The following ALPK2 variants were observed in gnomAD, a reference collection of about 807,000 sequenced individuals.
The protein encoded by ALPK2 is alpha-protein kinase 2.
ALPK2 carries 127 observed loss-of-function variants against 163.1 expected under a neutral mutation model. The ratio of observed to expected loss-of-function variants is 0.78; its 90% CI spans 0.67 to 0.90. ALPK2 has a LOEUF of 0.90. Among genes scored for constraint, ALPK2 ranks in the 40% least tolerant of loss-of-function variants. The pLI, the probability that ALPK2 is intolerant of heterozygous loss-of-function variation, is 0.00. For missense variants in ALPK2, 2,360 were observed against 2,589.6 expected, an observed-to-expected ratio of 0.91 and a Z score of 1.92; for synonymous variants, 953 against 959.1, an observed-to-expected ratio of 0.99 and a Z score of 0.12.
intron 3 of ALPK2, among the ~76,000 whole-genome samples, chr18:58,598,608 T>C (rs2052052859): frequency 6.6e-6 from 1 of 152,192 alleles, no homozygotes. Context: ...TTCTCAGTCC[T>C]GCCCTCTCGC....
intron 1 of ALPK2, among the ~76,000 whole-genome samples, chr18:58,624,876 A>G (rs1185851488): frequency 6.6e-6 from 1 of 152,214 alleles, no homozygotes; most frequent in Non-Finnish European, 1.5e-5. Context: ...GTTACAATCA[A>G]GTTACCGACA....
intron 12 of ALPK2, among the ~76,000 whole-genome samples, chr18:58,489,730 C>T (rs991298451): frequency 6.6e-6 from 1 of 152,044 alleles, no homozygotes; most frequent in Admixed American, 6.6e-5. Context: ...GTCCCTAGGA[C>T]ATTCAAAATA....
At position 58,552,820 on chromosome 18, in the gene ALPK2, G is replaced by A. The variant is rs2051766856; in HGVS notation, c.1963-14596C>T. On this transcript the variant is annotated intron_variant, in intron 4 of 12. Coordinates refer to ENST00000361673, the MANE Select transcript of ALPK2 (RefSeq NM_052947.4). ...AAGCCTGGGCTACCGTGGTGGCTGG[G>A]GGAATGGAGAGTGGGTTGATTGTGT... Among the ~76,000 whole-genome samples, 3 of 152,186 alleles carry A rather than the reference G, an allele frequency of 2.0e-5. No individual in the cohort carries two copies. The South Asian group carries it at 6.2e-4, about 32-fold the overall frequency.
Position 58,537,215 on chromosome 18 carries a change from GT to G in ALPK2, c.2971del (p.Thr991HisfsTer2). On this transcript the variant is annotated frameshift_variant, in exon 5 of 13. Coordinates refer to ENST00000361673, the MANE Select transcript of ALPK2 (RefSeq NM_052947.4). LOFTEE classifies it high-confidence loss of function. The stretch of plus-strand genomic sequence containing the variant: ...AAAGCACTCATTATTAGCAGTTAAT[GT>G]TGTTGGCTTCTCCCAAGGAAAACTC... ...IVSFPWEKPT[T>X]LTANNECFQA... 1 of 1,614,198 alleles carries G rather than the reference GT, an allele frequency of 6.2e-7. No individual in the cohort carries two copies. Among genetic ancestry groups the G allele is most frequent in the Non-Finnish European group, 8.5e-7 (1 of 1,180,008 alleles).
At chr18:58,552,568 A>G (rs1207629692) in intron 4 of ALPK2, among the ~76,000 whole-genome samples, 2 of 152,242 alleles carry the variant, frequency 1.3e-5, no homozygotes, top group African/African-American at 4.8e-5. Flanking sequence ...ATGCATGTAC[A>G]TTCATTAATT....
chr18:58,535,904 T>C lies in ALPK2; in HGVS notation c.4283A>G (p.Gln1428Arg), dbSNP rs56145533. The C allele has an allele frequency of 0.022, 35,657 of 1,614,206 alleles. 463 individuals are homozygous for C. Among genetic ancestry groups the C allele is most frequent in the Non-Finnish European group, 0.025 (29,707 of 1,180,014 alleles). ...GKPEPSETTP[Q>R]GAREGGQSND... Reference sequence around the variant, plus strand: ...TGATTGACCCCCTTCTCTGGCGCCCTGTGGTGTGGTTTCAGAGGGCTCTGG... The same window carrying C: ...TGATTGACCCCCTTCTCTGGCGCCCCGTGGTGTGGTTTCAGAGGGCTCTGG... The change falls in exon 5 of 13, where the codon CAG (glutamine) becomes CGG (arginine). Residue 1428 changes from glutamine to arginine, a missense_variant. Gln to Arg is a conservative substitution (Grantham distance 43). Coordinates refer to ENST00000361673, the MANE Select transcript of ALPK2 (RefSeq NM_052947.4).
In ALPK2 at chr18:58,535,519, G is replaced by A; in HGVS notation, c.4668C>T (p.Asp1556=). 1 of 1,614,142 alleles carries A rather than the reference G, an allele frequency of 6.2e-7. No individual in the cohort carries two copies. The highest frequency in any genetic ancestry group is 8.5e-7 in the Non-Finnish European group (1 of 1,180,000). Reference sequence around the variant, plus strand: ...GAATTTGGCCTGTGGAGTTGTGCGTGTCAACCCCAAGAGAAGCGTGAGTCA... The same window carrying A: ...GAATTTGGCCTGTGGAGTTGTGCGTATCAACCCCAAGAGAAGCGTGAGTCA... ...PIMTHASLGV[D]THNSTGQIHD... The change falls in exon 5 of 13, where the codon GAC becomes GAT. Residue 1556 remains aspartate, a synonymous_variant. Coordinates refer to ENST00000361673, the MANE Select transcript of ALPK2 (RefSeq NM_052947.4).
At chr18:58,504,224 C>T in intron 10 of ALPK2, 76 bp from the exon 11 acceptor site, 3 of 1,243,432 alleles carry the variant, frequency 2.4e-6, no homozygotes, top group African/African-American at 1.5e-5. Context: ...TCTACTCTCT[C>T]CTGGAGCAGC....
intron 5 of ALPK2, among the ~76,000 whole-genome samples, chr18:58,529,690 C>A (rs1350422463): frequency 6.6e-6 from 1 of 152,164 alleles, no homozygotes; most frequent in Non-Finnish European, 1.5e-5. Flanking sequence ...TAAAAGACAC[C>A]TCAACAATAG....
chr18:58,501,111 T>A (rs757939017), intron 11 of ALPK2, among the ~76,000 whole-genome samples: 2 of 152,170 alleles, frequency 1.3e-5, no homozygotes, highest in Non-Finnish European at 2.9e-5. Context: ...GTAAAAATAT[T>A]TTTTGTCCAT....
At chr18:58,601,134 T>C (rs1360778063) in intron 3 of ALPK2, among the ~76,000 whole-genome samples, 2 of 152,060 alleles carry the variant, frequency 1.3e-5, no homozygotes, top group Non-Finnish European at 2.9e-5. Context: ...CATGTGCCTG[T>C]AACCCCAGCT....
Position 58,535,674 on chromosome 18 carries a change from G to A in ALPK2, c.4513C>T (p.Pro1505Ser), listed in dbSNP as rs746447947. ...LQPSEGGERI[P>S]SGCSIGQIQE... ...ATTTGGCCTATGCTACATCCACTTG[G>A]AATTCTTTCACCGCCTTCGCTGGGT... Residue 1505 changes from proline (P) to serine (S), a missense_variant, in exon 5 of 13, where the codon CCA (proline) becomes TCA (serine). Coordinates refer to ENST00000361673, the MANE Select transcript of ALPK2 (RefSeq NM_052947.4). 1.8e-5 allele frequency: 29 copies of A among 1,614,108 alleles called. No homozygotes were observed. The Admixed American group carries it at 3.5e-4, about 19-fold the overall frequency.
chr18:58,559,594 C>T (rs1157014842), intron 4 of ALPK2, among the ~76,000 whole-genome samples: 1 of 152,162 alleles, frequency 6.6e-6, no homozygotes, highest in East Asian at 1.9e-4. Context: ...CCTGAAAGGG[C>T]CCGGGGATTC....
At chr18:58,505,919 C>T (rs184257524) in intron 10 of ALPK2, among the ~76,000 whole-genome samples, 10 of 152,258 alleles carry the variant, frequency 6.6e-5, no homozygotes, top group East Asian at 1.9e-4. Flanking sequence ...AGGCTTTTCT[C>T]TGCTTCACTG....
intron 11 of ALPK2, among the ~76,000 whole-genome samples, chr18:58,503,073 A>G (rs2051440844): frequency 6.6e-6 from 1 of 152,282 alleles, no homozygotes; most frequent in Admixed American, 6.5e-5. Context: ...CCTCTCAAAT[A>G]AGCCATTTGT....
At chr18:58,618,235 C>T (rs1325911845) in intron 1 of ALPK2, among the ~76,000 whole-genome samples, 9 of 152,058 alleles carry the variant, frequency 5.9e-5, no homozygotes, top group African/African-American at 1.7e-4. Flanking sequence ...TTAGTAGAGA[C>T]GGGGTTTCAC....
chr18:58,593,935 T>C (rs1466826550), intron 3 of ALPK2, among the ~76,000 whole-genome samples: 1 of 112,340 alleles, frequency 8.9e-6, no homozygotes, highest in African/African-American at 3.6e-5. Context: ...AGGGCCCACC[T>C]CTTCCCCCAA....
At chr18:58,626,991 C>A (rs1330895040) in intron 1 of ALPK2, among the ~76,000 whole-genome samples, 1 of 152,122 alleles carries the variant, frequency 6.6e-6, no homozygotes, top group Non-Finnish European at 1.5e-5. Context: ...AATCCCCCAT[C>A]AATCCTGTTA....
In ALPK2 at chr18:58,481,851, G is replaced by A; in HGVS notation, c.6485C>T (p.Pro2162Leu). 6.2e-7 allele frequency: 1 copy of A among 1,614,182 alleles called. No individual in the cohort carries two copies. The highest frequency in any genetic ancestry group is 8.5e-7 in the Non-Finnish European group (1 of 1,180,032). Reference protein sequence around the residue: ...TNSMTIKKAGPETPGEKKT With the variant: ...TNSMTIKKAGLETPGEKKT ...GGTTTTCTTTTCGCCTGGGGTCTCA[G>A]GCCCTGCCTTCTTTATTGTCATAGA... Residue 2162 changes from proline (P) to leucine (L), a missense_variant, in exon 13 of 13, where the codon CCT (proline) becomes CTT (leucine). Pro to Leu is a moderately conservative substitution (Grantham distance 98). Transcript: ENST00000361673.
Sources: gnomAD v4.1 joint callset for allele counts (sites outside exome capture counted in the v4.1 genomes callset) on GRCh38, gnomAD v4.1.1 for gene constraint, MANE v1.5 for transcripts, NCBI Gene and HGNC (gene_info 2026-07-23, HGNC 2026-07-21) for gene names.